Variants in PHEX observed in about 807,000 individuals in gnomAD.
The protein encoded by PHEX is phosphate-regulating neutral endopeptidase PHEX.
Under a neutral mutation model 68.0 loss-of-function variants are expected in PHEX, and 16 were observed. That is an observed-to-expected ratio of 0.24 (90% CI 0.16 to 0.36). The LOEUF is 0.36. Among genes scored for constraint, PHEX ranks in the 10% least tolerant of loss-of-function variants. PHEX has a pLI of 1.00. For synonymous variants in PHEX, 208 were observed against 205.1 expected, an observed-to-expected ratio of 1.01 and a Z score of -0.12; for missense variants, 480 against 575.5, an observed-to-expected ratio of 0.83 and a Z score of 1.70.
At position 22,219,032 on chromosome X, in the gene PHEX, A is replaced by T; in HGVS notation, c.1701-4A>T. ...TGTCTCCAAATTATGTATTAATGCC[A>T]TAGATCTCTGAGTTATGGTGCTATA... On this transcript the variant is annotated splice_polypyrimidine_tract_variant and splice_region_variant and intron_variant, in intron 16 of 21. Coordinates refer to ENST00000379374, the MANE Select transcript of PHEX (RefSeq NM_000444.6). The T allele has an allele frequency of 1.8e-6, 2 of 1,136,789 alleles. No homozygotes were observed. Among genetic ancestry groups the T allele is most frequent in the Non-Finnish European group, 2.4e-6 (2 of 827,173 alleles). The allele number at this position is 1,136,789 out of a possible 1,213,427, so 93.7% of individuals were successfully genotyped here.
intron 2 of PHEX, among the ~76,000 whole-genome samples, chrX:22,044,029 T>C (rs1927402492): frequency 9.0e-6 from 1 of 111,391 alleles, no homozygotes; most frequent in Non-Finnish European, 1.9e-5. Flanking sequence ...ACTAGAGTTT[T>C]CTCACTCAGC....
At chrX:22,174,172 G>A (rs16981818) in intron 13 of PHEX, among the ~76,000 whole-genome samples, 1,142 of 111,772 alleles carry the variant, frequency 0.01, 17 homozygotes, top group African/African-American at 0.036. Context: ...TTCCCCAAAG[G>A]TCACGCAATT....
intron 3 of PHEX, 131 bp from the exon 4 acceptor site, chrX:22,076,257 G>A (rs1319744779): frequency 3.9e-6 from 2 of 513,318 alleles, no homozygotes; most frequent in Non-Finnish European, 7.0e-6. Context: ...ATCTTTGATA[G>A]ATTTGTCTTT....
chrX:22,059,696 C>T (rs768584518), intron 3 of PHEX, among the ~76,000 whole-genome samples: 28 of 111,933 alleles, frequency 2.5e-4, no homozygotes, highest in Admixed American at 2.4e-3. Context: ...TTTTATTTAG[C>T]TCCAGCCTCT....
rs979833561 is a variant in PHEX, at chrX:22,250,410, G to A, written c.*2457G>A. 2.7e-5 allele frequency: 3 copies of A among 111,799 alleles called. No individual in the cohort carries two copies. The highest frequency in any genetic ancestry group is 3.8e-5 in the Non-Finnish European group (2 of 53,187). The allele number at this position is 111,799 out of a possible 1,213,427, so 9.2% of individuals were successfully genotyped here. On this transcript the variant is annotated 3_prime_UTR_variant, in exon 22 of 22. Coordinates refer to ENST00000379374, the MANE Select transcript of PHEX (RefSeq NM_000444.6). Reference sequence around the variant, plus strand: ...CATTCCTTGCTAAGCACGTTCAATGGAGGAGAGCCATGAAGTTTTACAAAA... The same window carrying A: ...CATTCCTTGCTAAGCACGTTCAATGAAGGAGAGCCATGAAGTTTTACAAAA...
At chrX:22,131,775 A>C (rs774509795) in intron 11 of PHEX, among the ~76,000 whole-genome samples, 20 of 112,908 alleles carry the variant, frequency 1.8e-4, no homozygotes, top group African/African-American at 6.4e-4. Flanking sequence ...CAAATGAAAA[A>C]GTTCATTCTG....
chrX:22,217,936 G>C (rs1935143761), intron 16 of PHEX, among the ~76,000 whole-genome samples: 1 of 110,800 alleles, frequency 9.0e-6, no homozygotes, highest in Admixed American at 9.6e-5. Flanking sequence ...CCATTTATTA[G>C]CTCATGATTC....
intron 3 of PHEX, among the ~76,000 whole-genome samples, chrX:22,056,181 T>A (rs1928096623): frequency 8.9e-6 from 1 of 112,210 alleles, no homozygotes; most frequent in Non-Finnish European, 1.9e-5. Context: ...TTACTTTTAT[T>A]CCTGGCACTA....
In PHEX at chrX:22,245,403, A is replaced by G. The variant is rs769039646; in HGVS notation, c.2141A>G (p.Gln714Arg). Reference protein sequence around the residue: ...QVQIGAHSPPQFRVNGAISNF... With the variant: ...QVQIGAHSPPRFRVNGAISNF... ...CAAATTGGTGCTCACAGTCCCCCTCAGTTTAGGTAAATGGGCAAATGGGTG... is the reference window on the plus strand; with the variant it reads ...CAAATTGGTGCTCACAGTCCCCCTCGGTTTAGGTAAATGGGCAAATGGGTG... The change falls in exon 21 of 22, where the codon CAG (glutamine) becomes CGG (arginine). Residue 714 changes from glutamine (Q) to arginine (R), a missense_variant. Physicochemically the swap from Gln to Arg is conservative, Grantham distance 43. Coordinates refer to ENST00000379374, the MANE Select transcript of PHEX (RefSeq NM_000444.6). 9 of 1,194,018 alleles carry G rather than the reference A, an allele frequency of 7.5e-6. No individual in the cohort carries two copies. Among genetic ancestry groups the G allele is most frequent in the Admixed American group, 6.5e-5 (3 of 45,902 alleles).
chrX:22,063,210 G>A (rs111319242), intron 3 of PHEX, among the ~76,000 whole-genome samples: 2,961 of 112,084 alleles, frequency 0.026, 40 homozygotes, highest in Non-Finnish European at 0.03. Flanking sequence ...AGTATGCTTT[G>A]CTAGTTGACA....
At chrX:22,136,440 G>T (rs1022245496) in intron 12 of PHEX, among the ~76,000 whole-genome samples, 1 of 112,161 alleles carries the variant, frequency 8.9e-6, no homozygotes, top group African/African-American at 3.2e-5. Flanking sequence ...GTTGTATGCA[G>T]TGTATCACCC....
chrX:22,076,425 C>T lies in PHEX; in HGVS notation c.387C>T (p.Thr129=), dbSNP rs777298207. The stretch of plus-strand genomic sequence containing the variant: ...AATCAATCAGTAGAAGGCGGGACAC[C>T]GAAGCCATACAGAAAGCCAAAATCC... ...LEKSISRRRD[T]EAIQKAKILY... The change falls in exon 4 of 22, where the codon ACC becomes ACT. Residue 129 remains threonine, a synonymous_variant. Transcript: ENST00000379374. The T allele has an allele frequency of 2.2e-5, 27 of 1,208,071 alleles. No individual in the cohort carries two copies. Among genetic ancestry groups the T allele is most frequent in the Non-Finnish European group, 2.6e-5 (23 of 892,281 alleles).
intron 3 of PHEX, among the ~76,000 whole-genome samples, chrX:22,059,808 C>T (rs765123931): frequency 3.6e-5 from 4 of 111,488 alleles, no homozygotes; most frequent in African/African-American, 6.5e-5. Context: ...TCTAGACTCC[C>T]GGGGTAATGA....
At chrX:22,239,208 C>T (rs1423182489) in intron 20 of PHEX, among the ~76,000 whole-genome samples, 1 of 110,640 alleles carries the variant, frequency 9.0e-6, no homozygotes, top group Admixed American at 9.6e-5. Context: ...AAAGGATGTC[C>T]GATCAGAGAC....
intron 6 of PHEX, among the ~76,000 whole-genome samples, chrX:22,092,303 C>G (rs1929924700): frequency 8.9e-6 from 1 of 111,913 alleles, no homozygotes; most frequent in South Asian, 3.8e-4. Flanking sequence ...CTGTACCACC[C>G]TCTCCTAACA....
chrX:22,240,967 A>G (rs1936170493), intron 20 of PHEX, among the ~76,000 whole-genome samples: 1 of 112,323 alleles, frequency 8.9e-6, no homozygotes, highest in African/African-American at 3.2e-5. Flanking sequence ...AATCAACAGA[A>G]TATACATTCT....
chrX:22,185,487 A>G (rs1933998957), intron 14 of PHEX, among the ~76,000 whole-genome samples: 1 of 111,807 alleles, frequency 8.9e-6, no homozygotes, highest in Admixed American at 9.5e-5. Context: ...TAGGGACTGT[A>G]GAAAACTAGT....
intron 15 of PHEX, among the ~76,000 whole-genome samples, chrX:22,191,422 T>C (rs374722731): frequency 4.4e-5 from 5 of 112,644 alleles, no homozygotes; most frequent in African/African-American, 1.6e-4. Context: ...GGTGGAAAGA[T>C]AGATGGGCTC....
intron 12 of PHEX, among the ~76,000 whole-genome samples, chrX:22,164,597 A>G (rs1032000789): frequency 8.9e-6 from 1 of 112,129 alleles, no homozygotes; most frequent in Non-Finnish European, 1.9e-5. Flanking sequence ...TGGAAAGACC[A>G]GTCTTCAGAA....
Sources: gnomAD v4.1 joint callset for allele counts (sites outside exome capture counted in the v4.1 genomes callset) on GRCh38, gnomAD v4.1.1 for gene constraint, MANE v1.5 for transcripts, NCBI Gene and HGNC (gene_info 2026-07-23, HGNC 2026-07-21) for gene names.